ALK: variants seen among roughly 807,000 people sequenced by gnomAD.
The protein encoded by ALK is ALK tyrosine kinase receptor.
In ALK, 74 loss-of-function variants were observed where a neutral mutation model predicts 163.1. The ratio of observed to expected loss-of-function variants is 0.45; its 90% CI spans 0.38 to 0.55. ALK has a LOEUF of 0.55. Ranked by LOEUF, ALK falls within the 20% of genes least tolerant of loss-of-function variation. ALK has a pLI of 0.00. For synonymous variants in ALK, 960 were observed against 843.2 expected (o/e 1.14, Z -2.40); for missense variants, 2,063 against 2,105.3 (o/e 0.98, Z 0.39).
intron 5 of ALK, among the ~76,000 whole-genome samples, chr2:29,349,003 G>A (rs1472199733): frequency 6.6e-6 from 1 of 152,294 alleles, no homozygotes; most frequent in Non-Finnish European, 1.5e-5. Context: ...AATGTACAAC[G>A]GGGATAATAA....
chr2:29,520,987 C>T (rs950701923), intron 4 of ALK, among the ~76,000 whole-genome samples: 21 of 152,180 alleles, frequency 1.4e-4, no homozygotes, highest in African/African-American at 5.1e-4. Flanking sequence ...CTGAGATGAT[C>T]ATTCTAGGAC....
intron 3 of ALK, among the ~76,000 whole-genome samples, chr2:29,535,657 AG>A (rs1317386032): frequency 6.6e-6 from 1 of 152,178 alleles, no homozygotes; most frequent in Non-Finnish European, 1.5e-5. Flanking sequence ...CCTTTGATCT[AG>A]GACTAAACCT....
At chr2:29,516,852 G>A (rs1274297182) in intron 4 of ALK, among the ~76,000 whole-genome samples, 1 of 152,182 alleles carries the variant, frequency 6.6e-6, no homozygotes, top group Non-Finnish European at 1.5e-5. Flanking sequence ...AGCTGGGTTA[G>A]CAGTGAGTAT....
chr2:29,382,774 A>C (rs1396195094), intron 5 of ALK, among the ~76,000 whole-genome samples: 1 of 152,206 alleles, frequency 6.6e-6, no homozygotes, highest in Non-Finnish European at 1.5e-5. Flanking sequence ...CACCTTTTCA[A>C]CTTGAACTGT....
chr2:29,414,574 C>T (rs1440574593), intron 4 of ALK, among the ~76,000 whole-genome samples: 4 of 152,160 alleles, frequency 2.6e-5, no homozygotes, highest in African/African-American at 7.2e-5. Context: ...ACCCCTTGCT[C>T]CCAGCCCATT....
intron 4 of ALK, among the ~76,000 whole-genome samples, chr2:29,391,909 A>T (rs1309963760): frequency 6.6e-5 from 10 of 152,178 alleles, no homozygotes; most frequent in African/African-American, 2.2e-4. Context: ...TCTGTGCCTG[A>T]ATTTTGTAAT....
At chr2:29,772,928 A>C (rs1402214718) in intron 1 of ALK, among the ~76,000 whole-genome samples, 1 of 152,138 alleles carries the variant, frequency 6.6e-6, no homozygotes, top group African/African-American at 2.4e-5. Context: ...AGGGGGAATG[A>C]CTTCTTCCTC....
intron 1 of ALK, among the ~76,000 whole-genome samples, chr2:29,847,351 G>T (rs1665874444): frequency 6.6e-6 from 1 of 152,124 alleles, no homozygotes; most frequent in Non-Finnish European, 1.5e-5. Context: ...AGATGAAACT[G>T]CCTGAGGCCC....
At chr2:29,637,051 G>A (rs1243754506) in intron 3 of ALK, among the ~76,000 whole-genome samples, 1 of 152,134 alleles carries the variant, frequency 6.6e-6, no homozygotes, top group African/African-American at 2.4e-5. Flanking sequence ...AAGTAAACAT[G>A]CCATTACCAC....
chr2:29,325,051 C>A (rs944144972), intron 6 of ALK, among the ~76,000 whole-genome samples: 1 of 152,130 alleles, frequency 6.6e-6, no homozygotes, highest in Non-Finnish European at 1.5e-5. Context: ...GCGGAGGACT[C>A]CCTCTGGGAA....
At chr2:29,556,451 G>A (rs1488566930) in intron 3 of ALK, among the ~76,000 whole-genome samples, 1 of 152,124 alleles carries the variant, frequency 6.6e-6, no homozygotes, top group African/African-American at 2.4e-5. Context: ...ACTGTCTTGA[G>A]GATTTGTGTT....
At chr2:29,649,191 T>C (rs537823369) in intron 3 of ALK, among the ~76,000 whole-genome samples, 9 of 150,716 alleles carry the variant, frequency 6.0e-5, no homozygotes, top group African/African-American at 2.2e-4. Flanking sequence ...TTACAATGTG[T>C]GTGTGTGAGA....
intron 3 of ALK, among the ~76,000 whole-genome samples, chr2:29,637,710 A>AAAAAAAG (rs1676579395): frequency 6.6e-5 from 1 of 15,254 alleles, no homozygotes; most frequent in Admixed American, 6.3e-4. Flanking sequence ...CTCCGTCTCC[A>AAAAAAAG]AAAAAAAAAA....
chr2:29,505,207 G>A (rs1672285306), intron 4 of ALK, among the ~76,000 whole-genome samples: 1 of 152,200 alleles, frequency 6.6e-6, no homozygotes, highest in Admixed American at 6.5e-5. Context: ...AGAAGGCTGT[G>A]AATTCTCTAC....
At chr2:29,384,688 T>C (rs1426218073) in intron 4 of ALK, among the ~76,000 whole-genome samples, 1 of 152,108 alleles carries the variant, frequency 6.6e-6, no homozygotes, top group East Asian at 1.9e-4. Flanking sequence ...ACTTACTTAT[T>C]TTGAGTGGTT....
intron 4 of ALK, among the ~76,000 whole-genome samples, chr2:29,413,745 C>T (rs1201853315): frequency 1.3e-5 from 2 of 152,112 alleles, no homozygotes; most frequent in Non-Finnish European, 2.9e-5. Flanking sequence ...GTTGGCCAGG[C>T]TGGTCTCGAA....
intron 3 of ALK, among the ~76,000 whole-genome samples, chr2:29,685,422 C>T (rs947369160): frequency 1.1e-4 from 16 of 152,200 alleles, no homozygotes; most frequent in Admixed American, 2.0e-4. Context: ...CTCCTTATTT[C>T]TGGCCTCAGC....
chr2:29,820,833 T>A (rs867410007), intron 1 of ALK, among the ~76,000 whole-genome samples: 3 of 152,340 alleles, frequency 2.0e-5, no homozygotes, highest in Middle Eastern at 3.4e-3. Flanking sequence ...CAAATGGGAC[T>A]CAGAGAGCTG....
intron 5 of ALK, among the ~76,000 whole-genome samples, chr2:29,356,938 C>T (rs1020136911): frequency 2.6e-4 from 40 of 152,144 alleles, no homozygotes; most frequent in Non-Finnish European, 5.1e-4. Context: ...CCCATGACTG[C>T]TCCACATCTT....
Sources: gnomAD v4.1 joint callset for allele counts (sites outside exome capture counted in the v4.1 genomes callset) on GRCh38, gnomAD v4.1.1 for gene constraint, MANE v1.5 for transcripts, NCBI Gene and HGNC (gene_info 2026-07-23, HGNC 2026-07-21) for gene names.